The following ZNF185 variants were observed in gnomAD, a reference collection of about 807,000 sequenced individuals.
ZNF185 encodes zinc finger protein 185 with LIM domain.
In ZNF185, 56 loss-of-function variants were observed where a neutral mutation model predicts 58.6. The observed-to-expected ratio is 0.95, with a 90% CI of 0.77 to 1.19. The LOEUF (loss-of-function observed/expected upper bound fraction) is 1.19, where lower values mean the gene tolerates loss of function less well. Among genes scored for constraint, ZNF185 ranks in the 50% most tolerant of loss-of-function variants. ZNF185 has a pLI of 0.00. For synonymous variants in ZNF185, 230 were observed against 215.9 expected (o/e 1.07, Z -0.57); for missense variants, 627 against 573.5 (o/e 1.09, Z -0.95).
At chrX:152,970,353 C>A in intron 21 of ZNF185, 90 bp from the exon 24 acceptor site, 1 of 830,506 alleles carries the variant, frequency 1.2e-6, no homozygotes, top group Non-Finnish European at 1.8e-6. Context: ...AGCATCTGCT[C>A]GCCCACCTTG....
intron 12 of ZNF185, among the ~76,000 whole-genome samples, chrX:152,929,263 G>T (rs542673972): frequency 0.11 from 12,371 of 110,750 alleles, 558 homozygotes; most frequent in African/African-American, 0.13. Flanking sequence ...AGCACGAGGG[G>T]CTCAGCCTCT....
chrX:152,914,304 T>C (rs192997642), upstream of ZNF185: 61 of 433,143 alleles, frequency 1.4e-4, 1 homozygote, highest in African/African-American at 1.3e-3. Flanking sequence ...CTTCTGCCCA[T>C]ACTTAGCACT....
the ZNF185 span, among the ~76,000 whole-genome samples, chrX:152,904,268 G>A: frequency 6.5e-4 from 73 of 112,077 alleles, no homozygotes; most frequent in African/African-American, 2.4e-3. Context: ...AGGCTCAGAC[G>A]GGATCCAGCT....
chrX:152,938,135 C>T lies in ZNF185; in HGVS notation c.1183C>T (p.Gln395Ter). 8.4e-7 allele frequency: 1 copy of T among 1,184,997 alleles called. No homozygotes were observed. The highest frequency in any genetic ancestry group is 2.3e-4 in the Middle Eastern group (1 of 4,319). Residue 395 changes from glutamine (Q) to a stop codon, truncating the protein, a stop_gained, in exon 15 of 23, where the codon CAG (glutamine) becomes TAG (stop). Transcript: ENST00000449285. LOFTEE classifies it high-confidence loss of function. Reference sequence around the variant, plus strand: ...TAGGAAGAGCAACAGCACAGCAGCCCAGGAGGATGCAAAGGCAGACCCAAA... The same window carrying T: ...TAGGAAGAGCAACAGCACAGCAGCCTAGGAGGATGCAAAGGCAGACCCAAA...
exon 23 of ZNF185, chrX:152,972,791 C>G (rs1455043093): frequency 9.0e-6 from 1 of 111,689 alleles, no homozygotes; most frequent in African/African-American, 3.3e-5. Context: ...TGGACTCTGC[C>G]ATCTGTGGGC....
chrX:152,958,317 G>T (rs1328908698), intron 16 of ZNF185, among the ~76,000 whole-genome samples: 1 of 111,509 alleles, frequency 9.0e-6, no homozygotes, highest in African/African-American at 3.3e-5. Context: ...CTGGGGTTAG[G>T]TGGGAGGAAC....
chrX:152,912,251 C>G (rs782162997), upstream of ZNF185, among the ~76,000 whole-genome samples: 2 of 112,476 alleles, frequency 1.8e-5, no homozygotes, highest in Non-Finnish European at 3.8e-5. Context: ...GCAATAAACC[C>G]GGAGTCTTCT....
At chrX:152,944,159 C>T (rs1347084493) in intron 15 of ZNF185, among the ~76,000 whole-genome samples, 1 of 113,235 alleles carries the variant, frequency 8.8e-6, no homozygotes, top group East Asian at 2.8e-4. Context: ...TTTTAGTTCC[C>T]TTGACCTCCA....
At chrX:152,911,520 T>TA (rs1306102134), upstream of ZNF185, among the ~76,000 whole-genome samples, 1 of 110,511 alleles carries the variant, frequency 9.0e-6, no homozygotes, top group Non-Finnish European at 1.9e-5. Flanking sequence ...GGAGGAGGTC[T>TA]CAAGGGATCG....
chrX:152,957,792 T>C (rs2049003438), intron 16 of ZNF185, among the ~76,000 whole-genome samples: 1 of 112,861 alleles, frequency 8.9e-6, no homozygotes. Context: ...GCACAAAATA[T>C]ACCAGATTGA....
At chrX:152,917,886 T>G in intron 5 of ZNF185, 179 bp from the exon 7 acceptor site, 1 of 1,079,021 alleles carries the variant, frequency 9.3e-7, no homozygotes, top group Non-Finnish European at 1.2e-6. Flanking sequence ...CTCGGTGGGG[T>G]TTGCCTACAC....
chrX:152,930,534 G>T (rs782434167), intron 12 of ZNF185, among the ~76,000 whole-genome samples: 1 of 111,310 alleles, frequency 9.0e-6, no homozygotes, highest in Non-Finnish European at 1.9e-5. Flanking sequence ...GTCTCTTCTC[G>T]CCATGTTGAG....
At chrX:152,949,497 A>G (rs1459861680) in intron 16 of ZNF185, among the ~76,000 whole-genome samples, 3 of 112,372 alleles carry the variant, frequency 2.7e-5, no homozygotes, top group African/African-American at 9.7e-5. Context: ...TCAGTAGGCT[A>G]GGTTCATCAG....
At chrX:152,922,114 C>T in intron 9 of ZNF185, 59 bp from the exon 11 acceptor site, 1 of 1,102,577 alleles carries the variant, frequency 9.1e-7, no homozygotes, top group South Asian at 2.0e-5. Flanking sequence ...TTCTTTGAGG[C>T]CTCCAAGCTC....
At position 152,937,922 on chromosome X, in the gene ZNF185, C is replaced by T. The variant is rs141681094; in HGVS notation, c.1122-152C>T. Among the ~76,000 whole-genome samples the T allele has an allele frequency of 6.2e-3, 696 of 112,814 alleles. 5 individuals carry two copies. The highest frequency in any genetic ancestry group is 9.9e-3 in the Admixed American group (106 of 10,744). ...ATGAGGTTGTCACACACAGTGGCAT[C>T]GGTGCCACACTAATGCCAGGACTGA... On this transcript the variant is annotated intron_variant, in intron 14 of 22. Transcript: ENST00000449285.
chrX:152,967,104 T>C, intron 19 of ZNF185, 63 bp from the exon 22 acceptor site: 1 of 1,065,248 alleles, frequency 9.4e-7, no homozygotes, highest in Non-Finnish European at 1.3e-6. Context: ...AATTAGAAAA[T>C]TAACTATGAT....
Position 152,967,240 on chromosome X carries a change from T to C in ZNF185, c.1871+2T>C, listed in dbSNP as rs369425289. 2.5e-6 allele frequency: 3 copies of C among 1,206,360 alleles called. No individual in the cohort carries two copies. Among genetic ancestry groups the C allele is most frequent in the Non-Finnish European group, 3.4e-6 (3 of 892,463 alleles). On this transcript the variant is annotated splice_donor_variant, in intron 20 of 22. Transcript: ENST00000449285. LOFTEE classifies it high-confidence loss of function. ...TGGCAGCACTCCATACTCTGAGAGG[T>C]ATGTTGACTTTCTTAGCACGGAGCT...
At position 152,932,817 on chromosome X, in the gene ZNF185, G is replaced by A. The variant is rs1413636291; in HGVS notation, c.1023-56G>A. On this transcript the variant is annotated intron_variant, in intron 13 of 22. Coordinates refer to ENST00000449285, the Ensembl canonical transcript of ZNF185. Reference sequence around the variant, plus strand: ...TGAGGCCCACTCTCATGGCATCTGGGTTAGATGAGATCAAAACGCAACTAG... The same window carrying A: ...TGAGGCCCACTCTCATGGCATCTGGATTAGATGAGATCAAAACGCAACTAG... The A allele has an allele frequency of 3.4e-5, 31 of 899,000 alleles. No homozygotes were observed. In the East Asian group the frequency reaches 9.7e-4, roughly 28 times the overall value. 74.1% of individuals were successfully genotyped at this position (899,000 alleles called of 1,213,427 possible). A position where few individuals can be genotyped will look rare whatever the true frequency, so the allele number is the denominator to read the frequency against.
intron 15 of ZNF185, among the ~76,000 whole-genome samples, chrX:152,939,390 A>G (rs1315582702): frequency 1.8e-5 from 2 of 112,138 alleles, no homozygotes; most frequent in African/African-American, 6.5e-5. Context: ...TAAGGTGGGA[A>G]ACTGAAGCAT....
Sources: allele counts gnomAD v4.1 joint callset (sites outside exome capture counted in the v4.1 genomes callset), GRCh38; gene constraint gnomAD v4.1.1; transcripts MANE v1.5; gene names NCBI Gene and HGNC (gene_info 2026-07-23, HGNC 2026-07-21).